The following LRRC20 variants were observed in gnomAD, a reference collection of about 807,000 sequenced individuals.
LRRC20 encodes the protein leucine-rich repeat-containing protein 20.
A neutral mutation model predicts 14.4 loss-of-function variants in LRRC20; 11 were observed. That is an observed-to-expected ratio of 0.77 (90% CI 0.48 to 1.27). LRRC20 has a LOEUF of 1.27. Ranked by LOEUF, LRRC20 falls within the 50% of genes most tolerant of loss-of-function variation. The probability of loss-of-function intolerance (pLI) is 0.00; values close to 1 mark genes in which losing one functional copy is unlikely to be tolerated. For missense variants in LRRC20, 219 were observed against 251.2 expected (o/e 0.87, Z 0.87); for synonymous variants, 121 against 107.3 (o/e 1.13, Z -0.79).
At chr10:70,308,618 G>A (rs1271299182) in intron 4 of LRRC20, among the ~76,000 whole-genome samples, 2 of 152,084 alleles carry the variant, frequency 1.3e-5, no homozygotes, top group African/African-American at 2.4e-5. Flanking sequence ...GTTGGGGGGT[G>A]TGGCAGGGAG....
chr10:70,304,570 T>C (rs1485687202), intron 4 of LRRC20, among the ~76,000 whole-genome samples: 2 of 150,132 alleles, frequency 1.3e-5, no homozygotes, highest in East Asian at 3.9e-4. Flanking sequence ...TGTGGTAAAA[T>C]ACAAATAAAT....
In LRRC20 at chr10:70,327,127, T is replaced by C. The variant is rs570577875; in HGVS notation, c.233-3097A>G. On this transcript the variant is annotated intron_variant, in intron 3 of 4. Transcript: ENST00000446961. ...CTGCAGTCTTGGGGGTCATGGCCGA[T>C]GCGGCCGTGGAAGCTAATGTGGGGG... is the stretch of plus-strand genomic sequence containing the variant. 6.6e-5 allele frequency among the ~76,000 whole-genome samples: 10 copies of C among 152,334 alleles called. No homozygotes were observed. The East Asian group carries it at 1.9e-3, about 29-fold the overall frequency.
chr10:70,309,330 A>G (rs1193417484), intron 4 of LRRC20, among the ~76,000 whole-genome samples: 1 of 152,172 alleles, frequency 6.6e-6, no homozygotes, highest in Non-Finnish European at 1.5e-5. Context: ...GTTCCTCACA[A>G]TGACCCATTT....
intron 3 of LRRC20, among the ~76,000 whole-genome samples, chr10:70,326,833 G>A (rs145700705): frequency 0.036 from 5,545 of 152,182 alleles, 160 homozygotes; most frequent in East Asian, 0.097. Context: ...TTTTGTTGTT[G>A]TATTTTTAGT....
chr10:70,317,570 G>A (rs1285171461), intron 4 of LRRC20, among the ~76,000 whole-genome samples: 1 of 151,950 alleles, frequency 6.6e-6, no homozygotes. Context: ...TAGAGATGGG[G>A]GCCTCACTAT....
At chr10:70,382,146 C>G (rs373916596) in intron 1 of LRRC20, among the ~76,000 whole-genome samples, 100 of 152,336 alleles carry the variant, frequency 6.6e-4, no homozygotes, top group African/African-American at 2.3e-3. Context: ...CTCCCCAGAG[C>G]GGAAGCAAAC....
At chr10:70,350,078 C>G (rs1288067285) in intron 2 of LRRC20, among the ~76,000 whole-genome samples, 1 of 152,236 alleles carries the variant, frequency 6.6e-6, no homozygotes, top group Non-Finnish European at 1.5e-5. Flanking sequence ...CTCGCCCATG[C>G]TGCATGAATG....
chr10:70,317,633 C>T (rs1841914018), intron 4 of LRRC20, among the ~76,000 whole-genome samples: 1 of 152,220 alleles, frequency 6.6e-6, no homozygotes, highest in Non-Finnish European at 1.5e-5. Flanking sequence ...CCTGCCTTGG[C>T]CTCATAAAGT....
chr10:70,368,277 C>G (rs113057872), intron 2 of LRRC20, among the ~76,000 whole-genome samples: 151 of 151,080 alleles, frequency 1.0e-3, no homozygotes, highest in African/African-American at 3.4e-3. Context: ...CCTGCCTCAG[C>G]CTCCCAAGTA....
intron 4 of LRRC20, among the ~76,000 whole-genome samples, chr10:70,311,222 A>ATTTTTTTTTTTTTTTTTTTT (rs11314061): frequency 1.9e-4 from 16 of 86,346 alleles, no homozygotes; most frequent in East Asian, 4.0e-4. Context: ...TCAACATTCC[A>ATTTTTTTTTTTTTTTTTTTT]TTTTTTTTTT....
At chr10:70,354,388 G>A (rs1238066094) in intron 2 of LRRC20, among the ~76,000 whole-genome samples, 2 of 152,112 alleles carry the variant, frequency 1.3e-5, no homozygotes, top group East Asian at 1.9e-4. Context: ...CACCCAGCAG[G>A]TCCAAGGACC....
intron 2 of LRRC20, among the ~76,000 whole-genome samples, chr10:70,358,190 GA>G (rs1256168692): frequency 6.6e-6 from 1 of 152,186 alleles, no homozygotes. Flanking sequence ...CCCTATCTGT[GA>G]AACACAGAAA....
chr10:70,317,880 G>A (rs75601651), intron 4 of LRRC20, among the ~76,000 whole-genome samples: 175 of 152,344 alleles, frequency 1.1e-3, no homozygotes, highest in Non-Finnish European at 2.2e-3. Context: ...GTCTGGCCTG[G>A]CAGGAGGCAG....
chr10:70,310,544 G>A (rs1032920165), intron 4 of LRRC20, among the ~76,000 whole-genome samples: 7 of 152,104 alleles, frequency 4.6e-5, no homozygotes, highest in African/African-American at 1.4e-4. Flanking sequence ...ATACACACTC[G>A]TATCATGCAC....
intron 2 of LRRC20, among the ~76,000 whole-genome samples, chr10:70,357,287 G>A (rs1192249942): frequency 3.9e-5 from 6 of 152,066 alleles, no homozygotes; most frequent in Non-Finnish European, 7.4e-5. Context: ...CAGCAGTGAT[G>A]GTTATACAAT....
intron 4 of LRRC20, 136 bp from the exon 5 acceptor site, chr10:70,301,644 C>T: frequency 2.9e-6 from 3 of 1,049,462 alleles, no homozygotes; most frequent in Non-Finnish European, 4.1e-6. Flanking sequence ...GGGCTCAGCT[C>T]CTGGTGCCCA....
At chr10:70,304,460 G>A (rs888702069) in intron 4 of LRRC20, among the ~76,000 whole-genome samples, 1 of 93,022 alleles carries the variant, frequency 1.1e-5, no homozygotes, top group East Asian at 2.4e-4. Flanking sequence ...ATAGATATCA[G>A]GCCACTTCTT....
At chr10:70,373,221 GTTAC>G in intron 2 of LRRC20, among the ~76,000 whole-genome samples, 1 of 143,088 alleles carries the variant, frequency 7.0e-6, no homozygotes, top group East Asian at 2.1e-4. Context: ...ACCATATAGA[GTTAC>G]TTTATGATTC....
At chr10:70,347,681 G>A (rs1025885001) in intron 2 of LRRC20, among the ~76,000 whole-genome samples, 1 of 151,976 alleles carries the variant, frequency 6.6e-6, no homozygotes, top group African/African-American at 2.4e-5. Context: ...TCTGCCGGGT[G>A]TGGTGGCGCG....
Sources: allele counts gnomAD v4.1 joint callset (sites outside exome capture counted in the v4.1 genomes callset), GRCh38; gene constraint gnomAD v4.1.1; transcripts MANE v1.5; gene names NCBI Gene and HGNC (gene_info 2026-07-23, HGNC 2026-07-21).